Variants in GRM5 observed in about 807,000 individuals in gnomAD.
GRM5 encodes metabotropic glutamate receptor 5.
In GRM5, 19 loss-of-function variants were observed where a neutral mutation model predicts 83.1. That is an observed-to-expected ratio of 0.23 (90% confidence interval 0.16 to 0.34). GRM5 has a LOEUF of 0.34. Ranked by LOEUF, GRM5 falls within the 10% of genes least tolerant of loss-of-function variation. The pLI is 1.00. For synonymous variants in GRM5, 675 were observed against 633.6 expected (o/e 1.07, Z -0.98); for missense variants, 1,160 against 1,588.3 (o/e 0.73, Z 4.58).
chr11:88,746,392 G>T (rs879681463), intron 3 of GRM5, among the ~76,000 whole-genome samples: 2 of 151,858 alleles, frequency 1.3e-5, no homozygotes, highest in Admixed American at 1.3e-4. Context: ...AACAGGGATG[G>T]TGCCTAAGGT....
intron 8 of GRM5, among the ~76,000 whole-genome samples, chr11:88,529,368 T>G (rs1159964931): frequency 6.6e-6 from 1 of 150,702 alleles, no homozygotes; most frequent in Admixed American, 6.7e-5. Context: ...GAGAACACTT[T>G]AGTGAGATAT....
At chr11:88,561,754 A>G (rs1209211725) in intron 8 of GRM5, among the ~76,000 whole-genome samples, 3 of 152,162 alleles carry the variant, frequency 2.0e-5, no homozygotes, top group African/African-American at 7.2e-5. Context: ...TTTCCATATA[A>G]AAAAATCTGT....
intron 2 of GRM5, among the ~76,000 whole-genome samples, chr11:88,965,886 T>G (rs959882343): frequency 6.6e-6 from 1 of 152,118 alleles, no homozygotes; most frequent in African/African-American, 2.4e-5. Context: ...TCAAAAATAT[T>G]AGCTACTACT....
chr11:88,527,966 A>G (rs1284062521), intron 8 of GRM5, among the ~76,000 whole-genome samples: 6 of 152,032 alleles, frequency 3.9e-5, no homozygotes, highest in Non-Finnish European at 8.8e-5. Context: ...GAGGATCAAA[A>G]AACTACCTAC....
In GRM5 at chr11:88,923,665, T is replaced by G. The variant is rs1314390252; in HGVS notation, c.662-73510A>C. ...TAGCAGGGTGACTACACTCAACAAT[T>G]TATTGTACATTTTTAAATAACAAAA... On this transcript the variant is annotated intron_variant, in intron 2 of 9. Coordinates refer to ENST00000305447, the MANE Select transcript of GRM5 (RefSeq NM_001143831.3). 2.0e-5 allele frequency among the ~76,000 whole-genome samples: 3 copies of G among 152,032 alleles called. No individual in the cohort carries two copies. In the East Asian group the frequency reaches 5.8e-4, roughly 29 times the overall value.
At chr11:88,796,928 G>A (rs867959751) in intron 3 of GRM5, among the ~76,000 whole-genome samples, 1 of 145,440 alleles carries the variant, frequency 6.9e-6, no homozygotes, top group East Asian at 2.0e-4. Context: ...GTGTGTGTGT[G>A]TGTGTGTGTG....
intron 2 of GRM5, among the ~76,000 whole-genome samples, chr11:89,043,577 T>G (rs1941580111): frequency 1.3e-5 from 2 of 151,962 alleles, no homozygotes; most frequent in African/African-American, 2.4e-5. Flanking sequence ...CATGTTATTT[T>G]TTTTTTTTTG....
At chr11:88,785,863 G>T (rs1371986633) in intron 3 of GRM5, among the ~76,000 whole-genome samples, 1 of 152,080 alleles carries the variant, frequency 6.6e-6, no homozygotes, top group Non-Finnish European at 1.5e-5. Context: ...TAAACTACTG[G>T]AAAGAAAACA....
At chr11:88,696,964 T>TA (rs1170414257) in intron 3 of GRM5, among the ~76,000 whole-genome samples, 13 of 152,368 alleles carry the variant, frequency 8.5e-5, no homozygotes, top group Admixed American at 2.6e-4. Context: ...GATTTTCCTT[T>TA]AAAAATTTTT....
chr11:88,824,638 C>T (rs1943862714), intron 3 of GRM5, among the ~76,000 whole-genome samples: 1 of 152,106 alleles, frequency 6.6e-6, no homozygotes, highest in Non-Finnish European at 1.5e-5. Flanking sequence ...GGGTTTTACG[C>T]TCCTATGAGA....
rs550964826 is a variant in GRM5 at position 88,829,367 on chromosome 11, G to A, written c.911+20539C>T. Among the ~76,000 whole-genome samples the A allele has an allele frequency of 3.3e-5, 5 of 152,114 alleles. No homozygotes were observed. In the East Asian group the frequency reaches 5.8e-4, roughly 18 times the overall value. On this transcript the variant is annotated intron_variant, in intron 3 of 9. Transcript: ENST00000305447. ...TCCCAGCTGCTAGGGAGGCTGAGGC[G>A]AGAGAATTGCTTGAATCTGGGAGGT...
intron 2 of GRM5, among the ~76,000 whole-genome samples, chr11:88,966,297 A>G (rs1421493432): frequency 6.6e-6 from 1 of 152,066 alleles, no homozygotes; most frequent in Admixed American, 6.6e-5. Context: ...TTAAATCAAT[A>G]CTCAAGTTCT....
chr11:88,814,860 A>T (rs1034122479), intron 3 of GRM5, among the ~76,000 whole-genome samples: 1 of 152,208 alleles, frequency 6.6e-6, no homozygotes, highest in Non-Finnish European at 1.5e-5. Context: ...CCATGGATCA[A>T]AGTGTCAATT....
intron 7 of GRM5, among the ~76,000 whole-genome samples, chr11:88,583,383 A>G (rs899091729): frequency 6.6e-6 from 1 of 152,236 alleles, no homozygotes; most frequent in East Asian, 1.9e-4. Flanking sequence ...TTCCTAGAGA[A>G]CGTCCCTATT....
intron 3 of GRM5, among the ~76,000 whole-genome samples, chr11:88,668,217 C>G (rs1228140576): frequency 2.0e-5 from 3 of 149,722 alleles, no homozygotes; most frequent in Admixed American, 2.0e-4. Context: ...AACTCGCACA[C>G]ACACACACAC....
intron 3 of GRM5, among the ~76,000 whole-genome samples, chr11:88,666,642 A>G (rs1006609768): frequency 7.2e-5 from 11 of 152,198 alleles, no homozygotes; most frequent in Non-Finnish European, 1.5e-4. Context: ...AACCACTTTG[A>G]GTTTTTATTT....
At chr11:88,711,418 G>A (rs990002910) in intron 3 of GRM5, among the ~76,000 whole-genome samples, 1 of 152,076 alleles carries the variant, frequency 6.6e-6, no homozygotes, top group African/African-American at 2.4e-5. Context: ...TGGGTCTGGA[G>A]GAACAAATGA....
intron 8 of GRM5, among the ~76,000 whole-genome samples, chr11:88,549,421 C>G (rs1942454122): frequency 6.7e-6 from 1 of 149,412 alleles, no homozygotes; most frequent in Admixed American, 6.7e-5. Context: ...GCCTGGGTGA[C>G]AGAGCCACAC....
chr11:88,731,849 CT>C (rs1452536510), intron 3 of GRM5, among the ~76,000 whole-genome samples: 1 of 151,974 alleles, frequency 6.6e-6, no homozygotes, highest in East Asian at 1.9e-4. Context: ...AATTTTCTGA[CT>C]TTCTGAACAG....
Sources: gnomAD v4.1 joint callset for allele counts (sites outside exome capture counted in the v4.1 genomes callset) on GRCh38, gnomAD v4.1.1 for gene constraint, MANE v1.5 for transcripts, NCBI Gene and HGNC (gene_info 2026-07-23, HGNC 2026-07-21) for gene names.